ATXN1: variants seen among roughly 807,000 people sequenced by gnomAD.
ATXN1 encodes the protein ataxin-1.
A neutral mutation model predicts 56.4 loss-of-function variants in ATXN1; 8 were observed. The observed-to-expected ratio is 0.14, with a 90% CI of 0.08 to 0.26. The LOEUF (loss-of-function observed/expected upper bound fraction) is 0.26, where lower values mean the gene tolerates loss of function less well. Among genes scored for constraint, ATXN1 ranks in the 10% least tolerant of loss-of-function variants. The pLI is 1.00. For missense variants in ATXN1, 987 were observed against 1,106.5 expected (o/e 0.89, Z 1.53); for synonymous variants, 514 against 494.6 (o/e 1.04, Z -0.52).
At chr6:16,452,243 G>A (rs868069410) in intron 6 of ATXN1, among the ~76,000 whole-genome samples, 6 of 152,168 alleles carry the variant, frequency 3.9e-5, no homozygotes, top group South Asian at 2.1e-4. Flanking sequence ...TGTTTTCTCC[G>A]AGTTCAGGGT....
At chr6:16,542,372 G>T (rs2113718219) in intron 4 of ATXN1, among the ~76,000 whole-genome samples, 1 of 152,290 alleles carries the variant, frequency 6.6e-6, no homozygotes, top group South Asian at 2.1e-4. Context: ...TCAGTAAGGG[G>T]AAAGAGAAAC....
At chr6:16,702,040 C>G (rs1759296428) in intron 2 of ATXN1, among the ~76,000 whole-genome samples, 2 of 151,764 alleles carry the variant, frequency 1.3e-5, no homozygotes, top group Admixed American at 1.3e-4. Flanking sequence ...AATCCTAAGC[C>G]AAAAGAACAA....
intron 2 of ATXN1, among the ~76,000 whole-genome samples, chr6:16,693,345 C>T (rs1353021892): frequency 1.3e-5 from 2 of 152,172 alleles, no homozygotes; most frequent in Non-Finnish European, 2.9e-5. Flanking sequence ...AAATGGGATA[C>T]CAGCGGCCTT....
intron 2 of ATXN1, among the ~76,000 whole-genome samples, chr6:16,697,565 T>G (rs963576020): frequency 6.6e-6 from 1 of 152,146 alleles, no homozygotes; most frequent in African/African-American, 2.4e-5. Context: ...ATCTTTTTTT[T>G]CCTATGCTGT....
Position 16,305,107 on chromosome 6 carries a change from T to C in ATXN1, c.*1222A>G, listed in dbSNP as rs1760210327. 1.3e-5 allele frequency: 2 copies of C among 152,682 alleles called. No individual in the cohort carries two copies. The highest frequency in any genetic ancestry group is 1.3e-4 in the Admixed American group (2 of 15,288). 9.5% of individuals were successfully genotyped at this position (152,682 alleles called of 1,614,324 possible). On this transcript the variant is annotated 3_prime_UTR_variant, in exon 8 of 8. Coordinates refer to ENST00000436367, the MANE Select transcript of ATXN1 (RefSeq NM_001128164.2). ...TTGAAAAAAAGAAAGCAACTTAGTT[T>C]TTTTTGTTTTTGTTTTTTCCCCAAA...
At chr6:16,517,914 T>G (rs1259193501) in intron 5 of ATXN1, among the ~76,000 whole-genome samples, 1 of 151,894 alleles carries the variant, frequency 6.6e-6, no homozygotes, top group Admixed American at 6.6e-5. Flanking sequence ...AATTAAAGAG[T>G]GTGAGCAGAG....
chr6:16,573,608 T>C (rs959872645), intron 4 of ATXN1, among the ~76,000 whole-genome samples: 1 of 152,200 alleles, frequency 6.6e-6, no homozygotes, highest in Non-Finnish European at 1.5e-5. Flanking sequence ...TGTCACCTCC[T>C]GCATTAACTT....
intron 6 of ATXN1, among the ~76,000 whole-genome samples, chr6:16,392,872 C>T (rs1329022227): frequency 1.3e-5 from 2 of 152,200 alleles, no homozygotes; most frequent in Non-Finnish European, 2.9e-5. Context: ...GCATCATGAT[C>T]ACCTGTAAAC....
intron 2 of ATXN1, among the ~76,000 whole-genome samples, chr6:16,732,714 C>T (rs1272090774): frequency 1.3e-5 from 2 of 152,176 alleles, no homozygotes; most frequent in Non-Finnish European, 2.9e-5. Flanking sequence ...AAATATTAAG[C>T]AACCAAAACA....
chr6:16,415,683 G>C (rs1360662916), intron 6 of ATXN1, among the ~76,000 whole-genome samples: 1 of 152,256 alleles, frequency 6.6e-6, no homozygotes, highest in Non-Finnish European at 1.5e-5. Context: ...CCTTGGGAAA[G>C]AGCTGGGACA....
Position 16,305,928 on chromosome 6 carries a change from G to A in ATXN1, c.*401C>T, listed in dbSNP as rs1581677423. On this transcript the variant is annotated 3_prime_UTR_variant, in exon 8 of 8. Transcript: ENST00000436367. ...AGAGACCCTCACTCGCCGCCACAGC[G>A]CCTGTGCACCCCCACATGCGTGCAA... 6.1e-6 allele frequency: 1 copy of A among 162,624 alleles called. No homozygotes were observed. The highest frequency in any genetic ancestry group is 1.7e-4 in the South Asian group (1 of 5,966). 10.1% of individuals were successfully genotyped at this position (162,624 alleles called of 1,614,324 possible).
intron 3 of ATXN1, among the ~76,000 whole-genome samples, chr6:16,586,813 G>C (rs775777919): frequency 6.6e-6 from 1 of 152,156 alleles, no homozygotes; most frequent in Non-Finnish European, 1.5e-5. Context: ...GAGGTCAGGA[G>C]ATCGAGACCA....
chr6:16,729,304 G>A (rs1248931419), intron 2 of ATXN1, among the ~76,000 whole-genome samples: 2 of 152,192 alleles, frequency 1.3e-5, no homozygotes, highest in Non-Finnish European at 2.9e-5. Context: ...GGGGTGAGCG[G>A]TAAATGAATA....
intron 3 of ATXN1, among the ~76,000 whole-genome samples, chr6:16,590,584 C>G (rs1457272304): frequency 2.0e-5 from 3 of 152,192 alleles, no homozygotes; most frequent in South Asian, 4.2e-4. Flanking sequence ...GATAAAACCC[C>G]AAAGCAAATC....
At chr6:16,543,120 A>G (rs2113719106) in intron 4 of ATXN1, among the ~76,000 whole-genome samples, 1 of 152,304 alleles carries the variant, frequency 6.6e-6, no homozygotes, top group Non-Finnish European at 1.5e-5. Context: ...GCCTTTGGGA[A>G]TGATGGGACA....
intron 6 of ATXN1, among the ~76,000 whole-genome samples, chr6:16,358,860 C>T (rs535598275): frequency 3.1e-4 from 47 of 152,318 alleles, no homozygotes; most frequent in Non-Finnish European, 5.6e-4. Flanking sequence ...CTGCAGCTGC[C>T]GCACCCACGG....
Position 16,310,887 on chromosome 6 carries a change from T to C in ATXN1, c.1918-4028A>G, listed in dbSNP as rs920316613. Among the ~76,000 whole-genome samples the C allele has an allele frequency of 2.9e-4, 44 of 152,252 alleles. 1 individual carries two copies. Among genetic ancestry groups the C allele is most frequent in the Non-Finnish European group, 8.8e-5 (6 of 68,050 alleles). ...TAGTAGATTTCCACAGATTGTTGCT[T>C]TTCTACTTCATCTTCTTTGTTTCCT... On this transcript the variant is annotated intron_variant, in intron 7 of 7. Coordinates refer to ENST00000436367, the MANE Select transcript of ATXN1 (RefSeq NM_001128164.2).
chr6:16,553,871 A>G (rs1024608160), intron 4 of ATXN1, among the ~76,000 whole-genome samples: 1 of 152,172 alleles, frequency 6.6e-6, no homozygotes, highest in Non-Finnish European at 1.5e-5. Flanking sequence ...CTCCTTCCAG[A>G]GATCCAAGGG....
intron 2 of ATXN1, among the ~76,000 whole-genome samples, chr6:16,675,273 T>C (rs1758637472): frequency 6.6e-6 from 1 of 152,226 alleles, no homozygotes; most frequent in Non-Finnish European, 1.5e-5. Context: ...AATACTGCCG[T>C]ATGAGTCCGT....
Sources: allele counts gnomAD v4.1 joint callset (sites outside exome capture counted in the v4.1 genomes callset), GRCh38; gene constraint gnomAD v4.1.1; transcripts MANE v1.5; gene names NCBI Gene and HGNC (gene_info 2026-07-23, HGNC 2026-07-21).